Variants in KIF13B observed in about 807,000 individuals in gnomAD.
The protein encoded by KIF13B is kinesin family member 13B, also known as kinesin-like protein KIF13B.
A neutral mutation model predicts 222.0 loss-of-function variants in KIF13B; 127 were observed. The observed-to-expected ratio is 0.57, with a 90% CI of 0.50 to 0.66. The LOEUF is 0.66. KIF13B is among the 30% of genes least tolerant of loss of function. KIF13B has a pLI of 0.00. For missense variants in KIF13B, 2,173 were observed against 2,379.0 expected, an observed-to-expected ratio of 0.91 and a Z score of 1.80; for synonymous variants, 976 against 919.0, an observed-to-expected ratio of 1.06 and a Z score of -1.12.
intron 29 of KIF13B, among the ~76,000 whole-genome samples, chr8:29,122,168 C>A (rs978891104): frequency 6.6e-6 from 1 of 152,080 alleles, no homozygotes; most frequent in African/African-American, 2.4e-5. Flanking sequence ...GCAGGAGAAC[C>A]GCTTGAACCG....
intron 21 of KIF13B, among the ~76,000 whole-genome samples, chr8:29,137,668 CT>C (rs1237921000): frequency 3.9e-5 from 6 of 152,176 alleles, no homozygotes; most frequent in Admixed American, 1.3e-4. Context: ...CTTATTTGTC[CT>C]CGTCCTTTTT....
intron 1 of KIF13B, among the ~76,000 whole-genome samples, chr8:29,259,008 T>G (rs190236807): frequency 6.6e-6 from 1 of 152,336 alleles, no homozygotes; most frequent in Non-Finnish European, 1.5e-5. Context: ...AATTTCACTT[T>G]TTCATGTTTC....
intron 2 of KIF13B, among the ~76,000 whole-genome samples, chr8:29,219,746 AAAATAAATAAATAAAT>A (rs372012234): frequency 6.8e-6 from 1 of 146,566 alleles, no homozygotes; most frequent in Non-Finnish European, 1.5e-5. Flanking sequence ...CCCTGTTTCC[AAAATAAATAAATAAAT>A]AAATAAATAA....
intron 2 of KIF13B, among the ~76,000 whole-genome samples, chr8:29,205,042 G>A (rs1472131857): frequency 3.3e-5 from 5 of 152,232 alleles, no homozygotes; most frequent in Middle Eastern, 3.4e-3. Context: ...CTACAGGCCC[G>A]ACTGGGCACA....
intron 2 of KIF13B, among the ~76,000 whole-genome samples, chr8:29,229,461 T>C (rs1815189238): frequency 6.6e-6 from 1 of 152,224 alleles, no homozygotes; most frequent in Non-Finnish European, 1.5e-5. Flanking sequence ...TGTTGTAAGA[T>C]GTCATGAGAA....
At chr8:29,104,961 G>A (rs113785221) in intron 35 of KIF13B, among the ~76,000 whole-genome samples, 14,820 of 145,474 alleles carry the variant, frequency 0.1, 796 homozygotes, top group South Asian at 0.15. Context: ...AGCCAGGATG[G>A]TTTTTTTTCC....
intron 6 of KIF13B, among the ~76,000 whole-genome samples, chr8:29,183,452 A>G (rs914884872): frequency 6.6e-6 from 1 of 152,062 alleles, no homozygotes; most frequent in Non-Finnish European, 1.5e-5. Context: ...GTGCCCAACC[A>G]ATGCGTCAAG....
intron 23 of KIF13B, among the ~76,000 whole-genome samples, chr8:29,131,760 C>T (rs1269775977): frequency 6.6e-6 from 1 of 152,182 alleles, no homozygotes; most frequent in African/African-American, 2.4e-5. Flanking sequence ...AAATTCATTT[C>T]ACTGTTTCTT....
intron 18 of KIF13B, 86 bp from the exon 19 acceptor site, chr8:29,142,389 T>C: frequency 1.7e-6 from 2 of 1,161,946 alleles, no homozygotes; most frequent in Non-Finnish European, 2.4e-6. Context: ...CAGTCAAATG[T>C]CATTACACCA....
At chr8:29,137,035 T>G (rs546383631) in intron 21 of KIF13B, among the ~76,000 whole-genome samples, 2 of 151,854 alleles carry the variant, frequency 1.3e-5, no homozygotes, top group South Asian at 4.2e-4. Flanking sequence ...CTCCTGACCT[T>G]GTGATCCGCC....
At chr8:29,116,743 T>A (rs1008455997) in intron 31 of KIF13B, 88 bp downstream of exon 31, 1 of 1,271,972 alleles carries the variant, frequency 7.9e-7, no homozygotes, top group Non-Finnish European at 1.1e-6. Flanking sequence ...GGGAGCCTGT[T>A]TGGACAGAAG....
In KIF13B at chr8:29,190,473, C is replaced by T. The variant is rs189055504; in HGVS notation, c.223+524G>A. 24 of 153,994 alleles carry T rather than the reference C, an allele frequency of 1.6e-4. No homozygotes were observed. In the East Asian group the frequency reaches 4.2e-3, roughly 27 times the overall value. The allele number at this position is 153,994 out of a possible 1,614,324, so 9.5% of individuals were successfully genotyped here. A position where few individuals can be genotyped will look rare whatever the true frequency, so the allele number is the denominator to read the frequency against. On this transcript the variant is annotated intron_variant, in intron 4 of 39. Coordinates refer to ENST00000524189, the MANE Select transcript of KIF13B (RefSeq NM_015254.4). ...ACCTCCATGAGGACAGAAGCTCCTGCGCTTGGGACCCTTCCAGATCTCACC... is the reference window on the plus strand; with the variant it reads ...ACCTCCATGAGGACAGAAGCTCCTGTGCTTGGGACCCTTCCAGATCTCACC...
chr8:29,176,171 GT>G lies in KIF13B; in HGVS notation c.841del (p.Thr281GlnfsTer50). On this transcript the variant is annotated frameshift_variant, in exon 10 of 40. Transcript: ENST00000524189. LOFTEE classifies it high-confidence loss of function. ...KEGSNINKSL[T>X]TLGLVISALA... ...AGCTGAGATAACCAGACCGAGGGTTGTGAGGGACCTGCATGGTGCAACAAAC... is the reference window on the plus strand; with the variant it reads ...AGCTGAGATAACCAGACCGAGGGTTGGAGGGACCTGCATGGTGCAACAAAC... 6.2e-7 allele frequency: 1 copy of G among 1,605,110 alleles called. No homozygotes were observed. Among genetic ancestry groups the G allele is most frequent in the Non-Finnish European group, 8.5e-7 (1 of 1,172,410 alleles).
intron 1 of KIF13B, among the ~76,000 whole-genome samples, chr8:29,252,063 G>T (rs77667249): frequency 2.0e-5 from 3 of 151,998 alleles, no homozygotes; most frequent in Non-Finnish European, 4.4e-5. Context: ...AGGGGGAAGC[G>T]GGAAGGAAGG....
At position 29,140,464 on chromosome 8, in the gene KIF13B, C is replaced by A. The variant is rs1283447680; in HGVS notation, c.2484+4G>T. On this transcript the variant is annotated splice_donor_region_variant and intron_variant, in intron 20 of 39. Transcript: ENST00000524189. The stretch of plus-strand genomic sequence containing the variant: ...AGGAAACAAGGCATGAAGAGAAAAC[C>A]AACCTCTCCTTTCTGGTTGATGATG... 6.2e-7 allele frequency: 1 copy of A among 1,612,446 alleles called. No individual in the cohort carries two copies.
At chr8:29,127,370 T>G in intron 24 of KIF13B, 102 bp from the exon 25 acceptor site, 1 of 902,220 alleles carries the variant, frequency 1.1e-6, no homozygotes. Context: ...AATGTTTAAT[T>G]CAGACACTGT....
chr8:29,154,489 C>A (rs192780638), intron 14 of KIF13B, among the ~76,000 whole-genome samples: 1 of 152,208 alleles, frequency 6.6e-6, no homozygotes, highest in East Asian at 1.9e-4. Flanking sequence ...AATTTAAGAA[C>A]GCAGGGGTTC....
At chr8:29,151,873 A>AT (rs1237950739) in intron 14 of KIF13B, among the ~76,000 whole-genome samples, 1 of 132,408 alleles carries the variant, frequency 7.6e-6, no homozygotes, top group Non-Finnish European at 1.8e-5. Context: ...AATACATTTC[A>AT]TAAGGCTATA....
chr8:29,134,810 A>T (rs187995186), intron 21 of KIF13B, among the ~76,000 whole-genome samples: 1 of 152,288 alleles, frequency 6.6e-6, no homozygotes, highest in Non-Finnish European at 1.5e-5. Flanking sequence ...ATAGAAGGGA[A>T]GTGAAGTTAG....
Sources: allele counts gnomAD v4.1 joint callset (sites outside exome capture counted in the v4.1 genomes callset), GRCh38; gene constraint gnomAD v4.1.1; transcripts MANE v1.5; gene names NCBI Gene and HGNC (gene_info 2026-07-23, HGNC 2026-07-21).